Variants in NKAIN2 observed in about 807,000 individuals in gnomAD.
The protein encoded by NKAIN2 is sodium/potassium transporting ATPase interacting 2.
NKAIN2 carries 14 observed loss-of-function variants against 32.6 expected under a neutral mutation model. The ratio of observed to expected loss-of-function variants is 0.43; its 90% CI spans 0.28 to 0.67. The LOEUF (loss-of-function observed/expected upper bound fraction) is 0.67, where lower values mean the gene tolerates loss of function less well. Ranked by LOEUF, NKAIN2 falls within the 30% of genes least tolerant of loss-of-function variation. NKAIN2 has a pLI of 0.17. For synonymous variants in NKAIN2, 80 were observed against 87.2 expected, an observed-to-expected ratio of 0.92 and a Z score of 0.46; for missense variants, 198 against 258.3, an observed-to-expected ratio of 0.77 and a Z score of 1.60.
intron 1 of NKAIN2, among the ~76,000 whole-genome samples, chr6:123,965,763 C>T (rs1012471660): frequency 6.6e-6 from 1 of 152,180 alleles, no homozygotes; most frequent in Non-Finnish European, 1.5e-5. Flanking sequence ...TTCCTCTTTT[C>T]TCCAATCAGA....
rs1582597169 is a variant in NKAIN2, at chr6:124,078,149, A to G, written c.55-204856A>G. 5.9e-5 allele frequency among the ~76,000 whole-genome samples: 9 copies of G among 152,148 alleles called. No homozygotes were observed. The South Asian group carries it at 1.9e-3, about 31-fold the overall frequency. The stretch of plus-strand genomic sequence containing the variant: ...GGAACTTTCTAAAATGGGTCTAAGT[A>G]CAGATTTTGAAGGTGTGAATTAATA... On this transcript the variant is annotated intron_variant, in intron 1 of 6. Transcript: ENST00000368417.
At chr6:124,186,213 G>A (rs6922356) in intron 1 of NKAIN2, among the ~76,000 whole-genome samples, 38 of 137,972 alleles carry the variant, frequency 2.8e-4, no homozygotes, top group Non-Finnish European at 5.3e-4. Context: ...AAGGAAAGAA[G>A]GAAGGAAGGA....
At chr6:124,192,178 C>A (rs369065937) in intron 1 of NKAIN2, among the ~76,000 whole-genome samples, 2 of 152,030 alleles carry the variant, frequency 1.3e-5, no homozygotes, top group Non-Finnish European at 2.9e-5. Flanking sequence ...CTTACAGTTT[C>A]AAATTAGGTC....
chr6:124,790,021 GTCT>G (rs1779673405), intron 4 of NKAIN2, among the ~76,000 whole-genome samples: 2 of 152,034 alleles, frequency 1.3e-5, no homozygotes, highest in South Asian at 4.1e-4. Context: ...TGTTGCGTAA[GTCT>G]TCTTCCTTCA....
At chr6:123,813,676 G>T (rs946700352) in intron 1 of NKAIN2, among the ~76,000 whole-genome samples, 10 of 152,010 alleles carry the variant, frequency 6.6e-5, no homozygotes, top group Non-Finnish European at 1.2e-4. Context: ...GCGGGGCATG[G>T]TGTTGCGTGC....
intron 2 of NKAIN2, among the ~76,000 whole-genome samples, chr6:124,307,226 C>T (rs146952861): frequency 2.6e-5 from 4 of 152,184 alleles, no homozygotes; most frequent in Admixed American, 2.6e-4. Flanking sequence ...TCTGGCTATG[C>T]TTATTTTGAG....
chr6:123,947,051 C>A (rs1018759470), intron 1 of NKAIN2, among the ~76,000 whole-genome samples: 7 of 152,192 alleles, frequency 4.6e-5, no homozygotes, highest in African/African-American at 1.7e-4. Context: ...GCTTGGCTTC[C>A]TACATTCAGG....
intron 1 of NKAIN2, among the ~76,000 whole-genome samples, chr6:124,279,371 G>T (rs1426742929): frequency 2.0e-5 from 3 of 151,982 alleles, no homozygotes; most frequent in Non-Finnish European, 4.4e-5. Context: ...GCCAGGTGTG[G>T]TGGCGGGCAC....
chr6:124,171,511 A>G (rs994140968), intron 1 of NKAIN2, among the ~76,000 whole-genome samples: 3 of 151,744 alleles, frequency 2.0e-5, no homozygotes, highest in African/African-American at 7.3e-5. Flanking sequence ...CTAATCATAA[A>G]ACAATGTTAA....
intron 3 of NKAIN2, among the ~76,000 whole-genome samples, chr6:124,400,176 G>A (rs957288973): frequency 9.2e-5 from 14 of 152,064 alleles, no homozygotes; most frequent in African/African-American, 2.2e-4. Flanking sequence ...AATCTCCTGC[G>A]GATCTTTAAA....
At chr6:124,038,202 G>A (rs1025966660) in intron 1 of NKAIN2, among the ~76,000 whole-genome samples, 3 of 151,800 alleles carry the variant, frequency 2.0e-5, no homozygotes, top group African/African-American at 4.8e-5. Flanking sequence ...AATATGGTGC[G>A]TGATTTAGTG....
intron 3 of NKAIN2, among the ~76,000 whole-genome samples, chr6:124,462,609 A>G (rs1776576922): frequency 6.6e-6 from 1 of 152,016 alleles, no homozygotes; most frequent in Non-Finnish European, 1.5e-5. Context: ...GTAATCTAGA[A>G]TGAGTAATTT....
intron 1 of NKAIN2, among the ~76,000 whole-genome samples, chr6:123,919,954 C>T (rs907761111): frequency 9.2e-5 from 14 of 151,996 alleles, no homozygotes; most frequent in African/African-American, 3.4e-4. Context: ...TTCAGTTATG[C>T]ATTTTTCAAC....
chr6:124,698,431 T>G lies in NKAIN2; in HGVS notation c.474+40045T>G, dbSNP rs374600541. Among the ~76,000 whole-genome samples the G allele has an allele frequency of 1.8e-4, 27 of 152,260 alleles. No individual in the cohort carries two copies. In the South Asian group the frequency reaches 5.2e-3, roughly 29 times the overall value. On this transcript the variant is annotated intron_variant, in intron 4 of 6. Coordinates refer to ENST00000368417, the MANE Select transcript of NKAIN2 (RefSeq NM_001040214.3). ...AAGTCTGTGTTACCCTGAAGAAAAT[T>G]TGAAATCAGCTCCACTTGGATATAA...
At chr6:123,848,628 A>G (rs1285086838) in intron 1 of NKAIN2, among the ~76,000 whole-genome samples, 3 of 152,174 alleles carry the variant, frequency 2.0e-5, no homozygotes, top group East Asian at 1.9e-4. Context: ...TCTTTCCTTT[A>G]TAATTTACCC....
intron 1 of NKAIN2, among the ~76,000 whole-genome samples, chr6:123,877,754 G>A (rs920178961): frequency 5.3e-5 from 8 of 152,110 alleles, no homozygotes; most frequent in Non-Finnish European, 8.8e-5. Context: ...AATTAGCTAA[G>A]TTTTTGAACA....
chr6:124,244,061 G>T (rs1793256107), intron 1 of NKAIN2, among the ~76,000 whole-genome samples: 1 of 139,592 alleles, frequency 7.2e-6, no homozygotes, highest in Non-Finnish European at 1.5e-5. Context: ...TTCTGTAAAA[G>T]ATATCTTTTT....
intron 1 of NKAIN2, among the ~76,000 whole-genome samples, chr6:124,160,312 C>T (rs1243586806): frequency 1.3e-4 from 20 of 152,220 alleles, no homozygotes; most frequent in Non-Finnish European, 1.5e-5. Context: ...AGCTAAGATC[C>T]AATAGCTTGC....
intron 4 of NKAIN2, among the ~76,000 whole-genome samples, chr6:124,678,547 G>A (rs922488118): frequency 6.6e-6 from 1 of 151,970 alleles, no homozygotes; most frequent in Non-Finnish European, 1.5e-5. Context: ...TATGCTTCAG[G>A]TCTAAAATTC....
Sources: allele counts gnomAD v4.1 joint callset (sites outside exome capture counted in the v4.1 genomes callset), GRCh38; gene constraint gnomAD v4.1.1; transcripts MANE v1.5; gene names NCBI Gene and HGNC (gene_info 2026-07-23, HGNC 2026-07-21).